TUBD1: variants seen among roughly 807,000 people sequenced by gnomAD.
TUBD1 encodes the protein tubulin delta chain.
A neutral mutation model predicts 51.2 loss-of-function variants in TUBD1; 38 were observed. The observed-to-expected ratio is 0.74, with a 90% CI of 0.57 to 0.97. The LOEUF (loss-of-function observed/expected upper bound fraction) is 0.97. Among genes scored for constraint, TUBD1 ranks in the 50% least tolerant of loss-of-function variants. The pLI is 0.00. For missense variants in TUBD1, 489 were observed against 538.4 expected, an observed-to-expected ratio of 0.91 and a Z score of 0.91; for synonymous variants, 169 against 178.2, an observed-to-expected ratio of 0.95 and a Z score of 0.41.
intron 3 of TUBD1, among the ~76,000 whole-genome samples, chr17:59,884,118 G>A (rs937268524): frequency 4.6e-5 from 7 of 151,752 alleles, no homozygotes; most frequent in Non-Finnish European, 8.8e-5. Context: ...AAAATTAGCC[G>A]GGCGTGGTGG....
intron 5 of TUBD1, among the ~76,000 whole-genome samples, chr17:59,875,771 ACT>A (rs1456305203): frequency 2.6e-5 from 4 of 151,710 alleles, no homozygotes. Flanking sequence ...TTAACATGAA[ACT>A]CTATTTGGAA....
At position 59,860,339 on chromosome 17, in the gene TUBD1, T is replaced by C; in HGVS notation, c.1345A>G (p.Ser449Gly). 13 of 1,610,900 alleles carry C rather than the reference T, an allele frequency of 8.1e-6. No individual in the cohort carries two copies. Among genetic ancestry groups the C allele is most frequent in the Non-Finnish European group, 1.1e-5 (13 of 1,178,372 alleles). Residue 449 changes from serine (S) to glycine (G), a missense_variant, in exon 9 of 9, where the codon AGT becomes GGT. Coordinates refer to ENST00000325752, the MANE Select transcript of TUBD1 (RefSeq NM_016261.4). ...SFTSLEQVVA[S>G]YCNL ...GTTCAAGATCAGAGATTACAGTAAC[T>C]GGCAACAACCTGCTCTAATGACGTG...
chr17:59,872,358 G>A (rs1022828800), intron 6 of TUBD1, among the ~76,000 whole-genome samples: 2 of 152,054 alleles, frequency 1.3e-5, no homozygotes, highest in African/African-American at 4.8e-5. Flanking sequence ...GCCTCCCAAA[G>A]TGCTGAGATT....
intron 6 of TUBD1, among the ~76,000 whole-genome samples, chr17:59,870,970 A>G (rs2039957184): frequency 6.6e-6 from 1 of 152,254 alleles, no homozygotes; most frequent in African/African-American, 2.4e-5. Context: ...ACCCATGTCA[A>G]GTACTTTCAG....
chr17:59,862,963 T>C (rs1041624690), intron 8 of TUBD1, among the ~76,000 whole-genome samples: 7 of 152,074 alleles, frequency 4.6e-5, no homozygotes, highest in Non-Finnish European at 1.0e-4. Flanking sequence ...TGACCTCAGC[T>C]GATCTGCTCG....
chr17:59,873,479 G>A (rs557613093), intron 6 of TUBD1, among the ~76,000 whole-genome samples: 1 of 152,206 alleles, frequency 6.6e-6, no homozygotes, highest in African/African-American at 2.4e-5. Context: ...TCGAACTCCT[G>A]GGCTCAAGCG....
intron 6 of TUBD1, among the ~76,000 whole-genome samples, chr17:59,872,914 C>A (rs1568298016): frequency 1.3e-5 from 2 of 151,944 alleles, no homozygotes; most frequent in Non-Finnish European, 2.9e-5. Context: ...CGACTGCCAC[C>A]ACGCCCGGCT....
chr17:59,866,888 A>G, intron 6 of TUBD1, 139 bp from the exon 7 acceptor site: 1 of 650,014 alleles, frequency 1.5e-6, no homozygotes, highest in Non-Finnish European at 2.5e-6. Flanking sequence ...GGATCAAGCG[A>G]TTCTCCTGCC....
chr17:59,882,904 C>G (rs1439854035), intron 3 of TUBD1, among the ~76,000 whole-genome samples: 4 of 151,724 alleles, frequency 2.6e-5, no homozygotes, highest in Non-Finnish European at 5.9e-5. Flanking sequence ...CCTGCCTTAG[C>G]TTCCCGAGTA....
chr17:59,870,607 G>A (rs866982730), intron 6 of TUBD1, among the ~76,000 whole-genome samples: 4 of 151,952 alleles, frequency 2.6e-5, no homozygotes, highest in African/African-American at 7.3e-5. Flanking sequence ...ACCAGGTCAC[G>A]AAGTAGCAGC....
In TUBD1 at chr17:59,890,826, C is replaced by CG. The variant is rs2040966115; in HGVS notation, c.172+4_172+5insC. On this transcript the variant is annotated splice_donor_region_variant and intron_variant, in intron 2 of 8. Coordinates refer to ENST00000325752, the MANE Select transcript of TUBD1 (RefSeq NM_016261.4). ...GTAAAGGAGAGGACTGTGGGCCACA[C>CG]CTACCTCCATTCTCCTCCTCACTGA... 6.2e-7 allele frequency: 1 copy of CG among 1,606,480 alleles called. No individual in the cohort carries two copies. Among genetic ancestry groups the CG allele is most frequent in the Admixed American group, 1.7e-5 (1 of 58,752 alleles).
intron 8 of TUBD1, among the ~76,000 whole-genome samples, chr17:59,861,874 G>C (rs1276263590): frequency 2.0e-5 from 3 of 151,452 alleles, no homozygotes; most frequent in Admixed American, 1.3e-4. Flanking sequence ...CACCATGTTG[G>C]CCAGGCTGGT....
intron 3 of TUBD1, among the ~76,000 whole-genome samples, chr17:59,885,849 G>A (rs1053254773): frequency 1.3e-5 from 2 of 152,166 alleles, no homozygotes; most frequent in Non-Finnish European, 2.9e-5. Flanking sequence ...GCATGACAGT[G>A]AGAAGATGGA....
intron 3 of TUBD1, 63 bp downstream of exon 3, chr17:59,886,020 T>G (rs2040704289): frequency 1.3e-6 from 2 of 1,549,192 alleles, no homozygotes; most frequent in South Asian, 1.1e-5. Context: ...GTTCTAACTT[T>G]GCTATCTATT....
rs751189657 is a variant in TUBD1, at chr17:59,890,855, ATCTT to A, written c.144_147del (p.Glu48AspfsTer71). Reference sequence around the variant, plus strand: ...CCTCCATTCTCCTCCTCACTGAAGAATCTTTCTTTGCAAGATGCTTGATATGCCT... The same window carrying A: ...CCTCCATTCTCCTCCTCACTGAAGAATCTTTGCAAGATGCTTGATATGCCT... On this transcript the variant is annotated frameshift_variant, in exon 2 of 9. Coordinates refer to ENST00000325752, the MANE Select transcript of TUBD1 (RefSeq NM_016261.4). LOFTEE classifies it high-confidence loss of function. 6.2e-7 allele frequency: 1 copy of A among 1,613,392 alleles called. No homozygotes were observed. The highest frequency in any genetic ancestry group is 2.2e-5 in the East Asian group (1 of 44,838).
At chr17:59,889,668 C>CAAAAAAAAAAAA (rs1195587619) in intron 2 of TUBD1, among the ~76,000 whole-genome samples, 8 of 54,078 alleles carry the variant, frequency 1.5e-4, no homozygotes, top group Admixed American at 4.3e-4. Flanking sequence ...GACTCTGTCT[C>CAAAAAAAAAAAA]AAAAAAAAAA....
At chr17:59,883,877 T>C (rs1206147232) in intron 3 of TUBD1, among the ~76,000 whole-genome samples, 1 of 152,174 alleles carries the variant, frequency 6.6e-6, no homozygotes, top group Non-Finnish European at 1.5e-5. Flanking sequence ...CAGGTAGTTC[T>C]ACAAGTTTTG....
chr17:59,888,858 C>T (rs776264233), intron 2 of TUBD1, among the ~76,000 whole-genome samples: 5 of 151,020 alleles, frequency 3.3e-5, no homozygotes, highest in African/African-American at 7.3e-5. Flanking sequence ...ATTACAGGCA[C>T]GCACCACTAC....
rs1303536339 is a variant in TUBD1 at position 59,875,620 on chromosome 17, C to T, written c.770-917G>A. Reference sequence around the variant, plus strand: ...ATTAAAAATATGAAAATTAGCCAGGCGTTGTGGCAGGCACCTGTAATCCCA... The same window carrying T: ...ATTAAAAATATGAAAATTAGCCAGGTGTTGTGGCAGGCACCTGTAATCCCA... On this transcript the variant is annotated intron_variant, in intron 5 of 8. Transcript: ENST00000325752. 2.6e-5 allele frequency among the ~76,000 whole-genome samples: 4 copies of T among 151,486 alleles called. No homozygotes were observed. The South Asian group carries it at 6.3e-4, about 24-fold the overall frequency.
Sources: gnomAD v4.1 joint callset for allele counts (sites outside exome capture counted in the v4.1 genomes callset) on GRCh38, gnomAD v4.1.1 for gene constraint, MANE v1.5 for transcripts, NCBI Gene and HGNC (gene_info 2026-07-23, HGNC 2026-07-21) for gene names.